The following SLC5A7 variants were observed in gnomAD, a reference collection of about 807,000 sequenced individuals.
The protein encoded by SLC5A7 is solute carrier family 5 member 7, also known as high affinity choline transporter 1.
Under a neutral mutation model 55.4 loss-of-function variants are expected in SLC5A7, and 19 were observed. The ratio of observed to expected loss-of-function variants is 0.34; its 90% CI spans 0.24 to 0.50. SLC5A7 has a LOEUF of 0.50. Among genes scored for constraint, SLC5A7 ranks in the 20% least tolerant of loss-of-function variants. The pLI, the probability that SLC5A7 is intolerant of heterozygous loss-of-function variation, is 0.98. For missense variants in SLC5A7, 506 were observed against 705.3 expected, an observed-to-expected ratio of 0.72 and a Z score of 3.20; for synonymous variants, 265 against 263.7, an observed-to-expected ratio of 1.00 and a Z score of -0.05.
rs761165738 is a variant in SLC5A7 at position 108,010,847 on chromosome 2, G to T, written c.1729G>T (p.Asp577Tyr). ...DSSPEGSGTEDNLQ is the reference protein window; with the variant it reads ...DSSPEGSGTEYNLQ ...CAGTCCAGAAGGGTCTGGGACTGAA[G>T]ATAATTTACAGTGACCCCATCTAAA... The change falls in exon 9 of 9, where the codon GAT becomes TAT. Residue 577 changes from aspartate to tyrosine, a missense_variant. Physicochemically the swap from Asp to Tyr is radical, Grantham distance 160. Coordinates refer to ENST00000264047, the MANE Select transcript of SLC5A7 (RefSeq NM_021815.5). 13 of 1,581,128 alleles carry T rather than the reference G, an allele frequency of 8.2e-6. No individual in the cohort carries two copies. In the South Asian group the frequency reaches 1.5e-4, roughly 18 times the overall value.
Position 107,993,215 on chromosome 2 carries a change from G to A in SLC5A7, c.448+88G>A, listed in dbSNP as rs1677524554. On this transcript the variant is annotated intron_variant, in intron 4 of 8. Coordinates refer to ENST00000264047, the MANE Select transcript of SLC5A7 (RefSeq NM_021815.5). ...CTTACTTTCCTCAGCCTTGGCTTCT[G>A]AGGACATTTTTATTAAAACCATATG... The A allele has an allele frequency of 3.5e-6, 5 of 1,443,496 alleles. No individual in the cohort carries two copies. In the South Asian group the frequency reaches 5.2e-5, roughly 15 times the overall value. 89.4% of individuals were successfully genotyped at this position (1,443,496 alleles called of 1,614,324 possible). A position where few individuals can be genotyped will look rare whatever the true frequency, so the allele number is the denominator to read the frequency against.
At position 108,011,687 on chromosome 2, in the gene SLC5A7, T is replaced by C. The variant is rs1213525807; in HGVS notation, c.*826T>C. On this transcript the variant is annotated 3_prime_UTR_variant, in exon 9 of 9. Transcript: ENST00000264047. ...CTCAAGTATATAAAGTTTTGCCCCA[T>C]GATAAAATAAGTAACATATAAATTA... 6.6e-6 allele frequency: 1 copy of C among 152,092 alleles called. No homozygotes were observed. The highest frequency in any genetic ancestry group is 1.9e-4 in the East Asian group (1 of 5,182). 9.4% of individuals were successfully genotyped at this position (152,092 alleles called of 1,614,324 possible).
chr2:107,998,235 G>A (rs1677752800), intron 5 of SLC5A7, among the ~76,000 whole-genome samples: 1 of 152,112 alleles, frequency 6.6e-6, no homozygotes, highest in Admixed American at 6.6e-5. Context: ...TTTCCTTAAT[G>A]CCTAGATTTG....
At position 108,010,220 on chromosome 2, in the gene SLC5A7, A is replaced by C. The variant is rs760968733; in HGVS notation, c.1114-12A>C. ...CTGTGCAAAAAGCTGACACTGTGGCAATTTCTTACAGGCTTCGGACAAAGA... is the reference window on the plus strand; with the variant it reads ...CTGTGCAAAAAGCTGACACTGTGGCCATTTCTTACAGGCTTCGGACAAAGA... On this transcript the variant is annotated splice_polypyrimidine_tract_variant and intron_variant, in intron 8 of 8. Transcript: ENST00000264047. 3 of 1,607,236 alleles carry C rather than the reference A, an allele frequency of 1.9e-6. No individual in the cohort carries two copies. In the African/African-American group the frequency reaches 4.0e-5, roughly 22 times the overall value.
intron 4 of SLC5A7, among the ~76,000 whole-genome samples, chr2:107,995,081 A>G (rs957435052): frequency 9.2e-5 from 14 of 152,186 alleles, no homozygotes; most frequent in Non-Finnish European, 1.5e-4. Context: ...TCAGCAGGCA[A>G]TTTTGATGTT....
intron 3 of SLC5A7, 81 bp downstream of exon 3, chr2:107,992,300 T>A: frequency 1.3e-6 from 1 of 769,664 alleles, no homozygotes; most frequent in Non-Finnish European, 2.1e-6. Flanking sequence ...GAATAACAAG[T>A]CAAACACTCT....
At chr2:107,993,218 G>A in intron 4 of SLC5A7, 91 bp downstream of exon 4, 2 of 1,413,922 alleles carry the variant, frequency 1.4e-6, no homozygotes, top group Non-Finnish European at 1.9e-6. Flanking sequence ...GGCTTCTGAG[G>A]ACATTTTTAT....
chr2:107,993,807 A>C (rs1677548454), intron 4 of SLC5A7, among the ~76,000 whole-genome samples: 1 of 152,226 alleles, frequency 6.6e-6, no homozygotes, highest in Non-Finnish European at 1.5e-5. Context: ...TAACATTCCT[A>C]AAGAAGTGAG....
chr2:107,992,694 G>A (rs910115030), intron 3 of SLC5A7, among the ~76,000 whole-genome samples: 3 of 152,150 alleles, frequency 2.0e-5, no homozygotes, highest in African/African-American at 7.2e-5. Context: ...ATGCATTGAG[G>A]CATTTAAGTG....
chr2:108,006,495 T>C (rs990962493), intron 7 of SLC5A7, among the ~76,000 whole-genome samples: 1 of 151,080 alleles, frequency 6.6e-6, no homozygotes, highest in Non-Finnish European at 1.5e-5. Flanking sequence ...GCTGGGATTA[T>C]AGGTGTGAGC....
intron 8 of SLC5A7, among the ~76,000 whole-genome samples, chr2:108,009,377 C>T (rs1286741331): frequency 3.3e-5 from 5 of 151,984 alleles, no homozygotes; most frequent in East Asian, 1.9e-4. Flanking sequence ...TTGTGCAGAA[C>T]GTGCAGGTTT....
In SLC5A7 at chr2:107,993,593, C is replaced by T. The variant is rs954305655; in HGVS notation, c.448+466C>T. On this transcript the variant is annotated intron_variant, in intron 4 of 8. Transcript: ENST00000264047. ...TTCCAATAAGTGTTCTTCCTGCAAACTGAGAACTTTTTACCTCCCATTGTT... is the reference window on the plus strand; with the variant it reads ...TTCCAATAAGTGTTCTTCCTGCAAATTGAGAACTTTTTACCTCCCATTGTT... Among the ~76,000 whole-genome samples, 7 of 152,254 alleles carry T rather than the reference C, an allele frequency of 4.6e-5. No homozygotes were observed. The East Asian group carries it at 1.4e-3, about 29-fold the overall frequency.
At chr2:108,002,603 A>G (rs1479273037) in intron 6 of SLC5A7, among the ~76,000 whole-genome samples, 1 of 152,174 alleles carries the variant, frequency 6.6e-6, no homozygotes, top group Non-Finnish European at 1.5e-5. Context: ...CATGGAAGAG[A>G]TAATGGCCGA....
chr2:107,997,763 C>A, intron 4 of SLC5A7, 75 bp from the exon 5 acceptor site: 2 of 1,343,550 alleles, frequency 1.5e-6, no homozygotes, highest in Admixed American at 2.7e-5. Flanking sequence ...TATCACTGAA[C>A]TTTCATTATG....
rs767065201 is a variant in SLC5A7, at chr2:108,001,938, A to G, written c.639A>G (p.Ala213=). 1.2e-6 allele frequency: 2 copies of G among 1,614,028 alleles called. No homozygotes were observed. Among genetic ancestry groups the G allele is most frequent in the African/African-American group, 2.7e-5 (2 of 74,928 alleles). The change falls in exon 6 of 9, where the codon GCA becomes GCG. Residue 213 remains alanine (A), a synonymous_variant. Coordinates refer to ENST00000264047, the MANE Select transcript of SLC5A7 (RefSeq NM_021815.5). Reference sequence around the variant, plus strand: ...TTGCATTGTCACATCCTGCAGTCGCAGACATCGGGTTCACTGCTGTGCATG... The same window carrying G: ...TTGCATTGTCACATCCTGCAGTCGCGGACATCGGGTTCACTGCTGTGCATG... The part of the protein sequence containing the change: ...VPFALSHPAV[A]DIGFTAVHAK...
chr2:108,001,800 A>G (rs904725882), intron 5 of SLC5A7, 97 bp from the exon 6 acceptor site: 2 of 1,268,078 alleles, frequency 1.6e-6, no homozygotes, highest in Non-Finnish European at 2.2e-6. Flanking sequence ...AACTAGAGGA[A>G]CTACTGAGCT....
At chr2:108,006,593 A>T (rs1206667713) in intron 7 of SLC5A7, among the ~76,000 whole-genome samples, 1 of 151,962 alleles carries the variant, frequency 6.6e-6, no homozygotes, top group African/African-American at 2.4e-5. Context: ...TGGTATATTT[A>T]TCCATTGTTT....
intron 5 of SLC5A7, among the ~76,000 whole-genome samples, chr2:108,000,566 A>G (rs1221044348): frequency 6.6e-6 from 1 of 152,146 alleles, no homozygotes; most frequent in Non-Finnish European, 1.5e-5. Context: ...CCAAAGTGCT[A>G]CGATTATAGG....
chr2:107,993,178 C>T, intron 4 of SLC5A7, 51 bp downstream of exon 4: 1 of 1,599,180 alleles, frequency 6.3e-7, no homozygotes, highest in Non-Finnish European at 8.6e-7. Context: ...AACTAAACAT[C>T]AGATACACAA....
Sources: gnomAD v4.1 joint callset for allele counts (sites outside exome capture counted in the v4.1 genomes callset) on GRCh38, gnomAD v4.1.1 for gene constraint, MANE v1.5 for transcripts, NCBI Gene and HGNC (gene_info 2026-07-23, HGNC 2026-07-21) for gene names.